CLPB: variants seen among roughly 807,000 people sequenced by gnomAD.
CLPB encodes the protein ClpB family mitochondrial disaggregase, also known as mitochondrial disaggregase.
Under a neutral mutation model 78.4 loss-of-function variants are expected in CLPB, and 40 were observed. The ratio of observed to expected loss-of-function variants is 0.51; its 90% CI spans 0.40 to 0.66. The LOEUF (loss-of-function observed/expected upper bound fraction) is 0.66, where lower values mean the gene tolerates loss of function less well. CLPB is among the 30% of genes least tolerant of loss of function. CLPB has a pLI of 0.00. For missense variants in CLPB, 780 were observed against 886.9 expected, an observed-to-expected ratio of 0.88 and a Z score of 1.53; for synonymous variants, 333 against 348.0, an observed-to-expected ratio of 0.96 and a Z score of 0.48.
At chr11:72,410,492 C>A (rs923761643) in intron 2 of CLPB, among the ~76,000 whole-genome samples, 3 of 152,252 alleles carry the variant, frequency 2.0e-5, no homozygotes, top group East Asian at 1.9e-4. Context: ...AAGCACTGTA[C>A]AAAATAGCAT....
chr11:72,368,275 T>C (rs572951799), intron 4 of CLPB, among the ~76,000 whole-genome samples: 1 of 152,348 alleles, frequency 6.6e-6, no homozygotes, highest in Non-Finnish European at 1.5e-5. Context: ...GTTCCATTTA[T>C]TGAACACTCA....
chr11:72,302,369 A>T (rs1158155248), intron 9 of CLPB, 21 bp from the exon 10 acceptor site: 1 of 1,613,588 alleles, frequency 6.2e-7, no homozygotes, highest in East Asian at 2.2e-5. Context: ...ACAAGCAAGT[A>T]CCAACTCCGT....
chr11:72,354,532 G>C (rs1950671622), intron 5 of CLPB: 1 of 382,172 alleles, frequency 2.6e-6, no homozygotes, highest in Non-Finnish European at 4.6e-6. Flanking sequence ...TCAGGCACTT[G>C]AAGTATGAGG....
chr11:72,307,864 T>C (rs1351814563), intron 8 of CLPB, among the ~76,000 whole-genome samples: 4 of 152,124 alleles, frequency 2.6e-5, no homozygotes, highest in Non-Finnish European at 2.9e-5. Flanking sequence ...TGGTATCCTT[T>C]TGGGGGCCTA....
chr11:72,331,006 C>T (rs958621704), intron 5 of CLPB, among the ~76,000 whole-genome samples: 4 of 152,202 alleles, frequency 2.6e-5, no homozygotes, highest in Non-Finnish European at 5.9e-5. Flanking sequence ...TATGTGAAAA[C>T]ATTTATATCA....
At chr11:72,331,084 A>T (rs1419423671) in intron 5 of CLPB, among the ~76,000 whole-genome samples, 1 of 152,008 alleles carries the variant, frequency 6.6e-6, no homozygotes, top group African/African-American at 2.4e-5. Context: ...TTAATTAAAA[A>T]TTTTTAATAA....
chr11:72,316,435 TC>T (rs1949943478), intron 7 of CLPB, among the ~76,000 whole-genome samples: 1 of 151,968 alleles, frequency 6.6e-6, no homozygotes, highest in Non-Finnish European at 1.5e-5. Context: ...TGCTCCAGAG[TC>T]GGAGAACAAA....
chr11:72,401,632 C>T (rs1248115103), intron 3 of CLPB, among the ~76,000 whole-genome samples: 1 of 152,248 alleles, frequency 6.6e-6, no homozygotes, highest in Non-Finnish European at 1.5e-5. Flanking sequence ...ATTATAAAAT[C>T]CCAGTTACAT....
At chr11:72,416,973 A>G (rs1297861144) in intron 2 of CLPB, among the ~76,000 whole-genome samples, 1 of 152,170 alleles carries the variant, frequency 6.6e-6, no homozygotes, top group Non-Finnish European at 1.5e-5. Context: ...TGCTTTTGGG[A>G]ATGTAAAATG....
At chr11:72,376,068 C>CT (rs1200535472) in intron 4 of CLPB, among the ~76,000 whole-genome samples, 1 of 152,178 alleles carries the variant, frequency 6.6e-6, no homozygotes, top group Non-Finnish European at 1.5e-5. Context: ...GACTGCCCAA[C>CT]TTTCCTGAGC....
Position 72,317,168 on chromosome 11 carries a change from AG to A in CLPB, c.925del (p.Leu309TrpfsTer5). ...REAEERRRFP[L>X]EQRLKEHIIG... The stretch of plus-strand genomic sequence containing the variant: ...GATGTGCTCCTTTAGTCGCTGCTCC[AG>A]GGGGAAGCGGCGCCGCTCCTCAGCC... On this transcript the variant is annotated frameshift_variant, in exon 7 of 16. Transcript: ENST00000538039. LOFTEE classifies it high-confidence loss of function. 6.2e-7 allele frequency: 1 copy of A among 1,612,372 alleles called. No homozygotes were observed. The highest frequency in any genetic ancestry group is 1.3e-5 in the African/African-American group (1 of 74,958).
chr11:72,295,350 C>T lies in CLPB; in HGVS notation c.1486+142G>A, dbSNP rs590732. On this transcript the variant is annotated intron_variant, in intron 12 of 15. Coordinates refer to ENST00000538039, the MANE Select transcript of CLPB (RefSeq NM_001258392.3). ...CAACCCCCACTACTTGGTATGGTGTCTGATATCTGCTCAGTGTCAGCTAGG... is the reference window on the plus strand; with the variant it reads ...CAACCCCCACTACTTGGTATGGTGTTTGATATCTGCTCAGTGTCAGCTAGG... The T allele has an allele frequency of 0.057, 45,853 of 800,376 alleles. 2,562 individuals are homozygous for T. The highest frequency in any genetic ancestry group is 0.23 in the African/African-American group (13,054 of 57,566). 49.6% of individuals were successfully genotyped at this position (800,376 alleles called of 1,614,324 possible).
chr11:72,295,485 G>A lies in CLPB; in HGVS notation c.1486+7C>T, dbSNP rs781406946. ...CTGGACCAGACTGCTCAGGTCAGCC[G>A]CCATACCCAGGTTTTCGGCAATACG... On this transcript the variant is annotated splice_region_variant and intron_variant, in intron 12 of 15. Coordinates refer to ENST00000538039, the MANE Select transcript of CLPB (RefSeq NM_001258392.3). The A allele has an allele frequency of 8.1e-6, 13 of 1,613,322 alleles. No homozygotes were observed. The highest frequency in any genetic ancestry group is 5.3e-5 in the African/African-American group (4 of 74,884).
intron 3 of CLPB, among the ~76,000 whole-genome samples, chr11:72,400,070 G>A (rs936359668): frequency 5.9e-5 from 9 of 151,916 alleles, no homozygotes; most frequent in Non-Finnish European, 1.2e-4. Context: ...AATAGTTTAC[G>A]CATCCATTAT....
intron 2 of CLPB, among the ~76,000 whole-genome samples, chr11:72,414,339 A>G (rs1855960051): frequency 6.6e-6 from 1 of 152,198 alleles, no homozygotes. Flanking sequence ...GGAAAGGGTC[A>G]TAGGCGCCAC....
chr11:72,390,364 G>A (rs1356685435), intron 3 of CLPB, among the ~76,000 whole-genome samples: 1 of 151,352 alleles, frequency 6.6e-6, no homozygotes, highest in Non-Finnish European at 1.5e-5. Context: ...CTTCAACCCA[G>A]GAGGCAGAGG....
intron 3 of CLPB, among the ~76,000 whole-genome samples, chr11:72,385,657 T>A (rs1216454697): frequency 6.6e-6 from 1 of 152,182 alleles, no homozygotes; most frequent in East Asian, 1.9e-4. Context: ...ACCCTGTCTC[T>A]ACTAAAAATA....
chr11:72,380,488 T>C, intron 3 of CLPB, 104 bp from the exon 4 acceptor site: 1 of 830,338 alleles, frequency 1.2e-6, no homozygotes, highest in Non-Finnish European at 2.0e-6. Context: ...TCTCTGCTCA[T>C]GTGAGTGATA....
At chr11:72,405,610 T>C (rs1855685734) in intron 2 of CLPB, among the ~76,000 whole-genome samples, 1 of 152,118 alleles carries the variant, frequency 6.6e-6, no homozygotes, top group African/African-American at 2.4e-5. Context: ...CAGTTCTTGC[T>C]GTGGAGCCTT....
Sources: allele counts gnomAD v4.1 joint callset (sites outside exome capture counted in the v4.1 genomes callset), GRCh38; gene constraint gnomAD v4.1.1; transcripts MANE v1.5; gene names NCBI Gene and HGNC (gene_info 2026-07-23, HGNC 2026-07-21).